The following ZKSCAN5 variants were observed in gnomAD, a reference collection of about 807,000 sequenced individuals.
ZKSCAN5 encodes zinc finger with KRAB and SCAN domains 5.
A neutral mutation model predicts 60.0 loss-of-function variants in ZKSCAN5; 28 were observed. The ratio of observed to expected loss-of-function variants is 0.47; its 90% confidence interval spans 0.35 to 0.64. The LOEUF (loss-of-function observed/expected upper bound fraction) is 0.64. ZKSCAN5 is among the 30% of genes least tolerant of loss of function. The pLI is 0.01. For missense variants in ZKSCAN5, 881 were observed against 1,034.6 expected (o/e 0.85, Z 2.04); for synonymous variants, 361 against 371.2 (o/e 0.97, Z 0.31).
At position 99,520,055 on chromosome 7, in the gene ZKSCAN5, C is replaced by G. The variant is rs1446748506; in HGVS notation, c.637-114C>G. On this transcript the variant is annotated intron_variant, in intron 4 of 6. Transcript: ENST00000326775. Reference sequence around the variant, plus strand: ...TCCTTTCTGCCTAGTCCTTCCCCATCCTCTTTGAGGCACAGTTCCTCCCCC... The same window carrying G: ...TCCTTTCTGCCTAGTCCTTCCCCATGCTCTTTGAGGCACAGTTCCTCCCCC... 4 of 1,511,936 alleles carry G rather than the reference C, an allele frequency of 2.6e-6. No homozygotes were observed. In the African/African-American group the frequency reaches 4.2e-5, roughly 16 times the overall value. The allele number at this position is 1,511,936 out of a possible 1,614,324, so 93.7% of individuals were successfully genotyped here.
chr7:99,522,322 T>C (rs1325658631), intron 5 of ZKSCAN5, among the ~76,000 whole-genome samples: 1 of 152,114 alleles, frequency 6.6e-6, no homozygotes, highest in East Asian at 1.9e-4. Flanking sequence ...GGCAGGGGTG[T>C]TGGGGAACAA....
rs199556572 is a variant in ZKSCAN5 at position 99,525,797 on chromosome 7, C to G, written c.773-16C>G. 525 of 1,576,244 alleles carry G rather than the reference C, an allele frequency of 3.3e-4. 2 individuals are homozygous for G. In the African/African-American group the frequency reaches 6.5e-3, roughly 20 times the overall value. Reference sequence around the variant, plus strand: ...AAGGAAAAGCTCATTTTTTAATTCTCCCTCTGTTATTTCAGGTTATGAGTC... The same window carrying G: ...AAGGAAAAGCTCATTTTTTAATTCTGCCTCTGTTATTTCAGGTTATGAGTC... On this transcript the variant is annotated splice_polypyrimidine_tract_variant and intron_variant, in intron 5 of 6. Coordinates refer to ENST00000326775, the MANE Select transcript of ZKSCAN5 (RefSeq NM_145102.4).
chr7:99,522,908 T>C (rs1183697459), intron 5 of ZKSCAN5, among the ~76,000 whole-genome samples: 1 of 149,426 alleles, frequency 6.7e-6, no homozygotes, highest in African/African-American at 2.5e-5. Context: ...CTCATGCCTG[T>C]AATCCCAGCA....
At chr7:99,508,352 T>C (rs1194749117) in intron 2 of ZKSCAN5, among the ~76,000 whole-genome samples, 2 of 151,996 alleles carry the variant, frequency 1.3e-5, no homozygotes, top group Non-Finnish European at 2.9e-5. Context: ...GGTTCCCTCA[T>C]AGAGGGTATA....
intron 5 of ZKSCAN5, among the ~76,000 whole-genome samples, chr7:99,524,354 G>A (rs562252172): frequency 9.9e-5 from 15 of 151,908 alleles, no homozygotes; most frequent in Non-Finnish European, 1.5e-4. Context: ...GATTACAGGC[G>A]TGAGCCACCA....
intron 2 of ZKSCAN5, 74 bp from the exon 3 acceptor site, chr7:99,512,379 C>T: frequency 2.0e-6 from 3 of 1,533,552 alleles, no homozygotes; most frequent in South Asian, 2.5e-5. Flanking sequence ...GAATGAAAGT[C>T]CACCATGATT....
intron 5 of ZKSCAN5, among the ~76,000 whole-genome samples, chr7:99,521,208 A>G (rs768173304): frequency 2.0e-5 from 3 of 152,134 alleles, no homozygotes; most frequent in African/African-American, 2.4e-5. Flanking sequence ...TTATTATTTT[A>G]TTTTTTTGAG....
intron 2 of ZKSCAN5, among the ~76,000 whole-genome samples, chr7:99,507,375 G>A (rs923389116): frequency 1.1e-4 from 16 of 151,572 alleles, no homozygotes; most frequent in African/African-American, 3.9e-4. Flanking sequence ...AAACTTTGCT[G>A]CAATGACTAT....
chr7:99,512,376 A>G, intron 2 of ZKSCAN5, 77 bp from the exon 3 acceptor site: 1 of 1,528,916 alleles, frequency 6.5e-7, no homozygotes, highest in Non-Finnish European at 8.9e-7. Flanking sequence ...AATGAATGAA[A>G]GTCCACCATG....
Position 99,519,922 on chromosome 7 carries a change from C to T in ZKSCAN5, c.636+13C>T, listed in dbSNP as rs747384325. On this transcript the variant is annotated intron_variant, in intron 4 of 6. Transcript: ENST00000326775. ...AACTGGGTCCCAGGTGAGCTGGTGC[C>T]CCTTTGCCCTCAGAGAGGACCCATC... 3 of 1,613,708 alleles carry T rather than the reference C, an allele frequency of 1.9e-6. No individual in the cohort carries two copies. Among genetic ancestry groups the T allele is most frequent in the Non-Finnish European group, 2.5e-6 (3 of 1,179,826 alleles).
intron 6 of ZKSCAN5, among the ~76,000 whole-genome samples, chr7:99,527,889 A>G (rs1046903643): frequency 3.3e-5 from 5 of 151,876 alleles, no homozygotes; most frequent in Admixed American, 2.0e-4. Context: ...GGGTTTCACT[A>G]TATTGGCCAG....
At chr7:99,527,423 A>G (rs1364594661) in intron 6 of ZKSCAN5, among the ~76,000 whole-genome samples, 1 of 152,146 alleles carries the variant, frequency 6.6e-6, no homozygotes, top group Admixed American at 6.6e-5. Flanking sequence ...ATCACCCATA[A>G]TCACATCACC....
chr7:99,519,929 C>A lies in ZKSCAN5; in HGVS notation c.636+20C>A, dbSNP rs371240553. 6 of 1,612,744 alleles carry A rather than the reference C, an allele frequency of 3.7e-6. No individual in the cohort carries two copies. The East Asian group carries it at 1.1e-4, about 30-fold the overall frequency. ...TCCCAGGTGAGCTGGTGCCCCTTTG[C>A]CCTCAGAGAGGACCCATCCTGAACC... is the stretch of plus-strand genomic sequence containing the variant. On this transcript the variant is annotated intron_variant, in intron 4 of 6. Coordinates refer to ENST00000326775, the MANE Select transcript of ZKSCAN5 (RefSeq NM_145102.4).
chr7:99,526,539 G>A (rs1197078666), intron 6 of ZKSCAN5, 121 bp downstream of exon 6: 1 of 1,449,064 alleles, frequency 6.9e-7, no homozygotes. Flanking sequence ...AGAGGCAAAG[G>A]TTATCGTTTA....
chr7:99,505,973 G>A, intron 1 of ZKSCAN5, 32 bp from the exon 2 acceptor site: 1 of 1,538,030 alleles, frequency 6.5e-7, no homozygotes, highest in Non-Finnish European at 8.8e-7. Flanking sequence ...TCCTTCAGAA[G>A]ATATTAAAGA....
chr7:99,525,799 C>A lies in ZKSCAN5; in HGVS notation c.773-14C>A. 6.3e-7 allele frequency: 1 copy of A among 1,577,050 alleles called. No homozygotes were observed. The highest frequency in any genetic ancestry group is 1.2e-5 in the South Asian group (1 of 86,488). ...GGAAAAGCTCATTTTTTAATTCTCC[C>A]TCTGTTATTTCAGGTTATGAGTCCA... On this transcript the variant is annotated splice_polypyrimidine_tract_variant and intron_variant, in intron 5 of 6. Coordinates refer to ENST00000326775, the MANE Select transcript of ZKSCAN5 (RefSeq NM_145102.4).
chr7:99,514,146 T>TA (rs1334609185), intron 3 of ZKSCAN5, among the ~76,000 whole-genome samples: 1 of 152,236 alleles, frequency 6.6e-6, no homozygotes, highest in Non-Finnish European at 1.5e-5. Context: ...TATTACAAAA[T>TA]ACTGTGTGAT....
chr7:99,507,827 A>G (rs1363440897), intron 2 of ZKSCAN5, among the ~76,000 whole-genome samples: 1 of 151,840 alleles, frequency 6.6e-6, no homozygotes, highest in African/African-American at 2.4e-5. Context: ...GATCCCTTGA[A>G]CCTGGTAGTT....
Position 99,506,189 on chromosome 7 carries a change from T to G in ZKSCAN5, c.145T>G (p.Phe49Val). The change falls in exon 2 of 7, where the codon TTT becomes GTT. Residue 49 changes from phenylalanine (F) to valine (V), a missense_variant. By Grantham distance (50) the Phe-to-Val change is conservative. Transcript: ENST00000326775. ...GTACAACCCGCCAACGTTTGAGACT[T>G]TTTACCAGCGCTTCAGGCACTTCCA... ...QEYNPPTFET[F>V]YQRFRHFQYH... is the part of the protein sequence containing the mutation. The G allele has an allele frequency of 6.2e-7, 1 of 1,614,120 alleles. No homozygotes were observed. Among genetic ancestry groups the G allele is most frequent in the South Asian group, 1.1e-5 (1 of 91,084 alleles).
Sources: allele counts gnomAD v4.1 joint callset (sites outside exome capture counted in the v4.1 genomes callset), GRCh38; gene constraint gnomAD v4.1.1; transcripts MANE v1.5; gene names NCBI Gene and HGNC (gene_info 2026-07-23, HGNC 2026-07-21).